XYLB: variants seen among roughly 807,000 people sequenced by gnomAD.
XYLB encodes the protein xylulose kinase.
In XYLB, 62 loss-of-function variants were observed where a neutral mutation model predicts 78.7. The observed-to-expected ratio is 0.79, with a 90% CI of 0.64 to 0.97. The LOEUF is 0.97. Ranked by LOEUF, XYLB falls within the 50% of genes least tolerant of loss-of-function variation. The pLI is 0.00. For missense variants in XYLB, 687 were observed against 676.8 expected (o/e 1.02, Z -0.17); for synonymous variants, 245 against 247.4 (o/e 0.99, Z 0.09).
chr3:38,389,517 G>A (rs1338520459), intron 15 of XYLB, among the ~76,000 whole-genome samples: 2 of 152,266 alleles, frequency 1.3e-5, no homozygotes, highest in East Asian at 3.9e-4. Context: ...CCCAGAAGGG[G>A]CGGCCGGGCA....
intron 7 of XYLB, among the ~76,000 whole-genome samples, chr3:38,367,924 T>G (rs141783298): frequency 2.6e-4 from 39 of 152,268 alleles, no homozygotes; most frequent in African/African-American, 9.4e-4. Flanking sequence ...TCATAGGGCT[T>G]TTGGTTTTTG....
At chr3:38,347,035 C>T (rs1395445597) in intron 1 of XYLB, 110 bp downstream of exon 1, 2 of 1,149,476 alleles carry the variant, frequency 1.7e-6, no homozygotes, top group Non-Finnish European at 2.2e-6. Context: ...CGCGGGCGCG[C>T]CTACCTCTCG....
At chr3:38,402,361 C>A (rs927103392) in intron 18 of XYLB, among the ~76,000 whole-genome samples, 1 of 152,106 alleles carries the variant, frequency 6.6e-6, no homozygotes, top group African/African-American at 2.4e-5. Context: ...TGGTCTGAAA[C>A]GAAAGCTGTC....
chr3:38,440,241 T>C, the XYLB span, among the ~76,000 whole-genome samples: 835 of 152,324 alleles, frequency 5.5e-3, 9 homozygotes, highest in African/African-American at 0.019. Flanking sequence ...AGCTTTACTT[T>C]TGTCAAAAAC....
chr3:38,347,154 C>T (rs377326809), intron 1 of XYLB, among the ~76,000 whole-genome samples: 22 of 152,208 alleles, frequency 1.4e-4, no homozygotes, highest in Non-Finnish European at 2.8e-4. Context: ...GCGGCCTCGA[C>T]CCCGCCTGGA....
chr3:38,451,210 A>G, the XYLB span: 1 of 152,230 alleles, frequency 6.6e-6, no homozygotes, highest in African/African-American at 2.4e-5. Flanking sequence ...GGGGCCCAGC[A>G]TCTAGTGCAG....
At position 38,413,533 on chromosome 3, in the gene XYLB, A is replaced by T. The variant is rs1708684870; in HGVS notation, c.*520A>T. On this transcript the variant is annotated 3_prime_UTR_variant, in exon 19 of 19. Coordinates refer to ENST00000207870, the MANE Select transcript of XYLB (RefSeq NM_005108.4). The stretch of plus-strand genomic sequence containing the variant: ...AACCCCACAGTCTCTTCTCTCCCAC[A>T]CCCTGCCCTCCTTGTTTCAGCTGTC... The T allele has an allele frequency of 6.7e-6, 1 of 149,866 alleles. No individual in the cohort carries two copies. Among genetic ancestry groups the T allele is most frequent in the Non-Finnish European group, 1.5e-5 (1 of 67,898 alleles). 9.3% of individuals were successfully genotyped at this position (149,866 alleles called of 1,614,324 possible).
chr3:38,447,706 C>T, the XYLB span, among the ~76,000 whole-genome samples: 1 of 152,060 alleles, frequency 6.6e-6, no homozygotes, highest in Non-Finnish European at 1.5e-5. Context: ...TCTCTAAAAA[C>T]TAAAAACAGA....
chr3:38,403,776 C>G (rs1476510547), intron 18 of XYLB, among the ~76,000 whole-genome samples: 2 of 152,146 alleles, frequency 1.3e-5, no homozygotes, highest in Non-Finnish European at 2.9e-5. Context: ...TCTGCCTCAT[C>G]TAGAGTACGG....
chr3:38,360,231 C>A, intron 2 of XYLB, 108 bp from the exon 3 acceptor site: 2 of 1,055,568 alleles, frequency 1.9e-6, no homozygotes, highest in South Asian at 2.6e-5. Flanking sequence ...GGGGAAGGTT[C>A]TCCTTCATCT....
chr3:38,426,136 G>A (rs1709095474), downstream of XYLB, among the ~76,000 whole-genome samples: 1 of 152,164 alleles, frequency 6.6e-6, no homozygotes, highest in Non-Finnish European at 1.5e-5. Flanking sequence ...AGCTGGAGTT[G>A]CTTTGCATTT....
chr3:38,397,167 G>A lies in XYLB; in HGVS notation c.1438+8G>A, dbSNP rs748034514. 3 of 1,613,738 alleles carry A rather than the reference G, an allele frequency of 1.9e-6. No individual in the cohort carries two copies. The highest frequency in any genetic ancestry group is 1.7e-6 in the Non-Finnish European group (2 of 1,179,776). ...CATACCGAGCTTTTCATGGTAGGTT[G>A]ATGGAGGGAGACAGCTATCTCTGGA... On this transcript the variant is annotated splice_region_variant and intron_variant, in intron 17 of 18. Transcript: ENST00000207870.
chr3:38,377,704 TG>T, intron 14 of XYLB, among the ~76,000 whole-genome samples: 1 of 152,122 alleles, frequency 6.6e-6, no homozygotes, highest in East Asian at 1.9e-4. Context: ...CCTCCCAAAA[TG>T]CTGGGATTAC....
the XYLB span, among the ~76,000 whole-genome samples, chr3:38,447,057 TCAAA>T: frequency 6.6e-6 from 1 of 152,130 alleles, no homozygotes; most frequent in Admixed American, 6.5e-5. Flanking sequence ...TACAAGGAAC[TCAAA>T]CAACTGAACA....
intron 15 of XYLB, among the ~76,000 whole-genome samples, chr3:38,392,391 C>T (rs936426592): frequency 7.2e-5 from 11 of 151,994 alleles, no homozygotes; most frequent in East Asian, 3.9e-4. Context: ...CTCCACCTCC[C>T]GGTTCAAGTG....
chr3:38,433,313 G>A, the XYLB span, among the ~76,000 whole-genome samples: 2 of 152,222 alleles, frequency 1.3e-5, no homozygotes, highest in African/African-American at 2.4e-5. Context: ...AGGCCTCCAG[G>A]CCTGTGATGG....
intron 17 of XYLB, among the ~76,000 whole-genome samples, chr3:38,397,930 T>A (rs1016551282): frequency 6.6e-6 from 1 of 150,748 alleles, no homozygotes; most frequent in Non-Finnish European, 1.5e-5. Context: ...ACCATTCTCC[T>A]GCCTCAGCCT....
intron 9 of XYLB, among the ~76,000 whole-genome samples, chr3:38,372,035 T>A (rs1482777062): frequency 6.6e-6 from 1 of 152,158 alleles, no homozygotes; most frequent in African/African-American, 2.4e-5. Flanking sequence ...AGCTTGAGGA[T>A]CGGGAAAGAA....
intron 17 of XYLB, 116 bp from the exon 18 acceptor site, chr3:38,400,775 A>C: frequency 1.3e-6 from 1 of 745,728 alleles, no homozygotes; most frequent in East Asian, 2.5e-5. Flanking sequence ...TTGTGCAACC[A>C]TCACTATAAT....
Sources: allele counts gnomAD v4.1 joint callset (sites outside exome capture counted in the v4.1 genomes callset), GRCh38; gene constraint gnomAD v4.1.1; transcripts MANE v1.5; gene names NCBI Gene and HGNC (gene_info 2026-07-23, HGNC 2026-07-21).